Variants in PRSS53 observed in about 807,000 individuals in gnomAD.
PRSS53 encodes the protein EDTP308.
A neutral mutation model predicts 62.7 loss-of-function variants in PRSS53; 54 were observed. The observed-to-expected ratio is 0.86, with a 90% CI of 0.69 to 1.08. The LOEUF (loss-of-function observed/expected upper bound fraction) is 1.08. PRSS53 is among the 50% of genes least tolerant of loss of function. The pLI, the probability that PRSS53 is intolerant of heterozygous loss-of-function variation, is 0.00. For missense variants in PRSS53, 688 were observed against 728.3 expected (o/e 0.94, Z 0.64); for synonymous variants, 273 against 300.0 (o/e 0.91, Z 0.93).
intron 3 of PRSS53, 103 bp from the exon 4 acceptor site, chr16:31,087,001 G>T: frequency 7.8e-7 from 1 of 1,278,112 alleles, no homozygotes; most frequent in Non-Finnish European, 1.1e-6. Context: ...AGCACTCCAC[G>T]GCTTTTTCTT....
chr16:31,087,663 T>C (rs764825277), exon 3 of PRSS53: 33 of 1,611,806 alleles, frequency 2.0e-5, no homozygotes, highest in Non-Finnish European at 2.8e-5. Context: ...GTTGCCCTCC[T>C]GAGGCTTGGG....
exon 11 of PRSS53, chr16:31,083,751 G>C (rs371892937): frequency 2.7e-5 from 43 of 1,613,970 alleles, no homozygotes; most frequent in Non-Finnish European, 3.6e-5. Context: ...CCATTTGCCT[G>C]CCTGCATTCT....
At position 31,084,322 on chromosome 16, in the gene PRSS53, GC is replaced by G; in HGVS notation, c.1438del (p.Ala480HisfsTer7). The G allele has an allele frequency of 6.2e-7, 1 of 1,612,128 alleles. No homozygotes were observed. The highest frequency in any genetic ancestry group is 1.7e-4 in the Middle Eastern group (1 of 6,058). ...GCCCCTCACCTCATGCACCAGTGGT[GC>G]CCCAGACAGGCCCTGTCAGGGGTCA... is the stretch of plus-strand genomic sequence containing the variant. On this transcript the variant is annotated frameshift_variant, in exon 10 of 11. Coordinates refer to ENST00000280606, the Ensembl canonical transcript of PRSS53. LOFTEE classifies it high-confidence loss of function.
exon 4 of PRSS53, chr16:31,086,810 C>T (rs772868279): frequency 2.5e-6 from 4 of 1,613,574 alleles, no homozygotes; most frequent in African/African-American, 2.7e-5. Context: ...AGGGCAGCCA[C>T]CCCCACCTCT....
intron 1 of PRSS53, chr16:31,088,375 A>C: frequency 8.7e-7 from 1 of 1,146,566 alleles, no homozygotes; most frequent in Non-Finnish European, 1.1e-6. Flanking sequence ...CAGGCACCCC[A>C]TGAGACAGCT....
chr16:31,085,242 G>A (rs1399249888), exon 7 of PRSS53: 2 of 1,586,892 alleles, frequency 1.3e-6, no homozygotes, highest in East Asian at 2.2e-5. Context: ...GGGACCTGCT[G>A]TCCTCAAGGA....
At chr16:31,087,545 G>A (rs1196351689) in exon 3 of PRSS53, 1 of 1,612,898 alleles carries the variant, frequency 6.2e-7, no homozygotes, top group Middle Eastern at 1.7e-4. Context: ...ACTTTTCAAA[G>A]CAGTGGGCAG....
chr16:31,086,251 A>G, intron 5 of PRSS53, 68 bp from the exon 6 acceptor site: 1 of 1,588,634 alleles, frequency 6.3e-7, no homozygotes. Context: ...CTCTGATTGC[A>G]GGTCTTTCCC....
chr16:31,085,382 C>T lies in PRSS53; in HGVS notation c.884-122G>A, dbSNP rs75340199. Reference sequence around the variant, plus strand: ...TCATTACTGAAGGTAACCAAAGTTCCAGAGAGGTTAAGAGACTTCCTTGCT... The same window carrying T: ...TCATTACTGAAGGTAACCAAAGTTCTAGAGAGGTTAAGAGACTTCCTTGCT... On this transcript the variant is annotated intron_variant, in intron 6 of 10. Transcript: ENST00000280606. The T allele has an allele frequency of 1.4e-5, 17 of 1,210,442 alleles. No homozygotes were observed. In the African/African-American group the frequency reaches 2.2e-4, roughly 15 times the overall value. 75.0% of individuals were successfully genotyped at this position (1,210,442 alleles called of 1,614,324 possible).
exon 8 of PRSS53, chr16:31,084,927 C>G (rs535842116): frequency 6.5e-7 from 1 of 1,544,854 alleles, no homozygotes; most frequent in African/African-American, 1.4e-5. Context: ...TAGCCCCCCT[C>G]AGGGTGGGTG....
At chr16:31,087,889 G>A (rs2057251470) in intron 1 of PRSS53, 63 bp from the exon 2 acceptor site, 1 of 1,604,168 alleles carries the variant, frequency 6.2e-7, no homozygotes. Flanking sequence ...TTGGGGAGGA[G>A]AGGGGATGGG....
chr16:31,088,879 C>T, exon 1 of PRSS53: 2 of 1,597,302 alleles, frequency 1.3e-6, no homozygotes, highest in Non-Finnish European at 1.7e-6. Context: ...CTGGCTCCAC[C>T]TCTGCTCCAC....
At position 31,087,630 on chromosome 16, in the gene PRSS53, C is replaced by T; in HGVS notation, c.149G>A (p.Trp50Ter). 1 of 1,610,434 alleles carries T rather than the reference C, an allele frequency of 6.2e-7. No homozygotes were observed. The highest frequency in any genetic ancestry group is 8.5e-7 in the Non-Finnish European group (1 of 1,178,454). The change falls in exon 3 of 11, where the codon TGG (tryptophan) becomes TAG (stop). Residue 50 changes from tryptophan (W) to a stop codon, truncating the protein, a stop_gained. Coordinates refer to ENST00000280606, the Ensembl canonical transcript of PRSS53. LOFTEE classifies it high-confidence loss of function. Reference sequence around the variant, plus strand: ...TCCTTGCCTCCTCACACTGGCCTGCCAGGGCCACTCGCCAGGGACTGTGTT... The same window carrying T: ...TCCTTGCCTCCTCACACTGGCCTGCTAGGGCCACTCGCCAGGGACTGTGTT...
chr16:31,087,728 G>A (rs772252761), intron 2 of PRSS53, 29 bp from the exon 3 acceptor site: 73 of 1,613,956 alleles, frequency 4.5e-5, no homozygotes, highest in Admixed American at 1.7e-4. Flanking sequence ...CACACTGACA[G>A]CAGATACCTG....
chr16:31,084,828 GCAGGTGGTGGT>G lies in PRSS53; in HGVS notation c.1220_1230del (p.Asp407AlafsTer2). 1 of 1,547,256 alleles carries G rather than the reference GCAGGTGGTGGT, an allele frequency of 6.5e-7. No homozygotes were observed. Among genetic ancestry groups the G allele is most frequent in the African/African-American group, 1.4e-5 (1 of 73,386 alleles). On this transcript the variant is annotated frameshift_variant, in exon 8 of 11. Transcript: ENST00000280606. LOFTEE classifies it high-confidence loss of function. ...AGAACCCAGCCACGCTCCCCATCAG[GCAGGTGGTGGT>G]CAGGATAGGGCAGGCAGAGGGGCCG...
In PRSS53 at chr16:31,084,298, C is replaced by T. The variant is rs534125608; in HGVS notation, c.1463G>A (p.Gly488Asp). 5 of 1,612,966 alleles carry T rather than the reference C, an allele frequency of 3.1e-6. No individual in the cohort carries two copies. The highest frequency in any genetic ancestry group is 2.7e-5 in the African/African-American group (2 of 75,060). ...GTGCAGCCCGGCCAGGAACCATGTG[C>T]CCCTCACCTCATGCACCAGTGGTGC... Residue 488 changes from glycine (G) to aspartate (D), a missense_variant, in exon 10 of 11, where the codon GGC becomes GAC. By Grantham distance (94) the Gly-to-Asp change is moderately conservative (BLOSUM62 -1). Transcript: ENST00000280606.
At chr16:31,084,444 T>C (rs889194330) in intron 9 of PRSS53, 109 bp from the exon 10 acceptor site, 2 of 1,491,208 alleles carry the variant, frequency 1.3e-6, no homozygotes, top group Non-Finnish European at 1.8e-6. Flanking sequence ...CAAAAAGGCT[T>C]AGTTTCAGGT....
intron 1 of PRSS53, chr16:31,088,417 A>AAAGGG: frequency 8.3e-7 from 1 of 1,206,462 alleles, no homozygotes; most frequent in Non-Finnish European, 1.0e-6. Flanking sequence ...GGATGAAAAG[A>AAAGGG]AAGGGAAACT....
intron 3 of PRSS53, 168 bp from the exon 4 acceptor site, chr16:31,087,066 G>A (rs1210002838): frequency 1.5e-6 from 1 of 675,338 alleles, no homozygotes; most frequent in Non-Finnish European, 2.4e-6. Context: ...GCATGACCAT[G>A]ACTCACTACA....
Sources: gnomAD v4.1 joint callset for allele counts on GRCh38, gnomAD v4.1.1 for gene constraint, MANE v1.5 for transcripts, NCBI Gene and HGNC (gene_info 2026-07-23, HGNC 2026-07-21) for gene names.